Variants in ROBO2 observed in about 807,000 individuals in gnomAD.
ROBO2 encodes the protein roundabout homolog 2.
A neutral mutation model predicts 160.8 loss-of-function variants in ROBO2; 53 were observed. That is an observed-to-expected ratio of 0.33 (90% confidence interval 0.26 to 0.41). The LOEUF (loss-of-function observed/expected upper bound fraction) is 0.41. ROBO2 is among the 10% of genes least tolerant of loss of function. The pLI, the probability that ROBO2 is intolerant of heterozygous loss-of-function variation, is 1.00. For missense variants in ROBO2, 1,577 were observed against 1,722.4 expected (o/e 0.92, Z 1.49); for synonymous variants, 664 against 611.7 (o/e 1.09, Z -1.26).
At chr3:77,334,816 T>A (rs992324463) in intron 2 of ROBO2, among the ~76,000 whole-genome samples, 2 of 152,168 alleles carry the variant, frequency 1.3e-5, no homozygotes, top group African/African-American at 4.8e-5. Flanking sequence ...AATTGAGATT[T>A]ACTTGTGGAC....
At chr3:77,365,671 T>G (rs79394256) in intron 2 of ROBO2, among the ~76,000 whole-genome samples, 8,850 of 152,230 alleles carry the variant, frequency 0.058, 402 homozygotes, top group Middle Eastern at 0.099. Context: ...TATTTCAGAT[T>G]TCTTGGCAAA....
chr3:76,282,301 A>G (rs879273813), intron 2 of ROBO2, among the ~76,000 whole-genome samples: 1 of 151,990 alleles, frequency 6.6e-6, no homozygotes, highest in Non-Finnish European at 1.5e-5. Flanking sequence ...TGCTGTATAA[A>G]GTGTCAATCA....
In ROBO2 at chr3:76,760,772, CAT is replaced by C. The variant is rs1287580183; in HGVS notation, c.110-337241_110-337240del. On this transcript the variant is annotated intron_variant, in intron 2 of 26. Coordinates refer to the ROBO2 transcript ENST00000487694. ...AATGAATTATTTAGCTGATAACAAACATGATATAAAATTCCATTTATTGGATA... is the reference window on the plus strand; with the variant it reads ...AATGAATTATTTAGCTGATAACAAACGATATAAAATTCCATTTATTGGATA... Among the ~76,000 whole-genome samples, 13 of 151,776 alleles carry C rather than the reference CAT, an allele frequency of 8.6e-5. 1 individual carries two copies. The East Asian group carries it at 2.0e-3, about 23-fold the overall frequency.
chr3:76,816,712 A>G (rs892705136), intron 2 of ROBO2, among the ~76,000 whole-genome samples: 2 of 152,092 alleles, frequency 1.3e-5, no homozygotes, highest in East Asian at 1.9e-4. Flanking sequence ...CAGCCATCCC[A>G]TTACTGGTTA....
chr3:76,548,874 A>G (rs1336166826), intron 2 of ROBO2, among the ~76,000 whole-genome samples: 1 of 152,140 alleles, frequency 6.6e-6, no homozygotes, highest in African/African-American at 2.4e-5. Context: ...GAGTTCATAA[A>G]CACTGCCCCC....
intron 2 of ROBO2, among the ~76,000 whole-genome samples, chr3:76,119,918 CT>C (rs879482185): frequency 0.16 from 6,325 of 39,402 alleles, 496 homozygotes; most frequent in African/African-American, 0.24. Context: ...CCCTCCCTCC[CT>C]TCCTTCCTTC....
chr3:76,178,621 G>T (rs1344855413), intron 2 of ROBO2, among the ~76,000 whole-genome samples: 1 of 152,114 alleles, frequency 6.6e-6, no homozygotes, highest in Admixed American at 6.6e-5. Context: ...AGCCTTCTAA[G>T]TAGTTTGAGT....
chr3:76,778,939 A>T (rs2108583493), intron 2 of ROBO2, among the ~76,000 whole-genome samples: 1 of 151,256 alleles, frequency 6.6e-6, no homozygotes, highest in East Asian at 2.0e-4. Context: ...CATATTATTT[A>T]GTACTCACAC....
chr3:77,519,614 T>C (rs560025555), intron 5 of ROBO2, among the ~76,000 whole-genome samples: 1 of 151,546 alleles, frequency 6.6e-6, no homozygotes, highest in Admixed American at 6.6e-5. Context: ...GATTTCCTTC[T>C]TTTTTATGGC....
intron 2 of ROBO2, among the ~76,000 whole-genome samples, chr3:77,291,018 C>G: frequency 6.9e-6 from 1 of 144,128 alleles, no homozygotes; most frequent in Non-Finnish European, 1.5e-5. Flanking sequence ...TAGATCACCC[C>G]AGACATGAAG....
At chr3:76,272,780 A>C (rs1176321098) in intron 2 of ROBO2, among the ~76,000 whole-genome samples, 4 of 23,504 alleles carry the variant, frequency 1.7e-4, no homozygotes, top group Non-Finnish European at 2.1e-4. Context: ...TTATATATAA[A>C]ATATATAAAA....
At chr3:76,284,617 A>G (rs1245942230) in intron 2 of ROBO2, among the ~76,000 whole-genome samples, 1 of 152,058 alleles carries the variant, frequency 6.6e-6, no homozygotes, top group African/African-American at 2.4e-5. Context: ...CTATTTTTCA[A>G]TTGCTTTCTC....
At chr3:76,541,906 A>T (rs1317949789) in intron 2 of ROBO2, among the ~76,000 whole-genome samples, 1 of 152,132 alleles carries the variant, frequency 6.6e-6, no homozygotes, top group Admixed American at 6.6e-5. Flanking sequence ...ATCCCAGGGG[A>T]TTACTTTCCC....
At chr3:76,780,380 CT>C (rs1408996361) in intron 2 of ROBO2, among the ~76,000 whole-genome samples, 1 of 150,720 alleles carries the variant, frequency 6.6e-6, no homozygotes, top group East Asian at 2.0e-4. Flanking sequence ...CTGTAGGTTG[CT>C]TTTTCATCTT....
At chr3:77,193,121 G>A (rs2082010263) in intron 2 of ROBO2, among the ~76,000 whole-genome samples, 1 of 152,008 alleles carries the variant, frequency 6.6e-6, no homozygotes, top group Non-Finnish European at 1.5e-5. Flanking sequence ...CAAAGCCAGA[G>A]GGAGTAGAAA....
intron 8 of ROBO2, among the ~76,000 whole-genome samples, chr3:77,555,124 G>A (rs973078688): frequency 2.0e-5 from 3 of 151,904 alleles, no homozygotes; most frequent in South Asian, 4.1e-4. Flanking sequence ...AGGCTCAAAT[G>A]ATCATTAGCA....
intron 4 of ROBO2, among the ~76,000 whole-genome samples, chr3:77,490,082 A>C (rs889606498): frequency 1.4e-5 from 2 of 147,940 alleles, no homozygotes; most frequent in Non-Finnish European, 3.0e-5. Flanking sequence ...TTCAATGGGC[A>C]TGACTTTTGT....
chr3:76,012,293 A>C (rs1189662964), intron 2 of ROBO2, among the ~76,000 whole-genome samples: 1 of 152,240 alleles, frequency 6.6e-6, no homozygotes, highest in Non-Finnish European at 1.5e-5. Context: ...ATAGTAAGCC[A>C]TATCATTAAG....
intron 2 of ROBO2, among the ~76,000 whole-genome samples, chr3:77,355,842 A>G (rs2069035926): frequency 6.6e-6 from 1 of 152,068 alleles, no homozygotes; most frequent in Admixed American, 6.6e-5. Context: ...TCAGCCAGGG[A>G]GAAACATTAA....
Sources: allele counts gnomAD v4.1 joint callset (sites outside exome capture counted in the v4.1 genomes callset), GRCh38; gene constraint gnomAD v4.1.1; transcripts MANE v1.5; gene names NCBI Gene and HGNC (gene_info 2026-07-23, HGNC 2026-07-21).